The following S100Z variants were observed in gnomAD, a reference collection of about 807,000 sequenced individuals.
S100Z encodes S100 calcium binding protein Z, also known as protein S100-Z.
In S100Z, 11 loss-of-function variants were observed where a neutral mutation model predicts 8.5. That is an observed-to-expected ratio of 1.30 (90% CI 0.82 to 2.15). The LOEUF (loss-of-function observed/expected upper bound fraction) is 2.15. Among genes scored for constraint, S100Z ranks in the 30% most tolerant of loss-of-function variants. The pLI is 0.00. For synonymous variants in S100Z, 34 were observed against 43.8 expected (o/e 0.78, Z 0.89); for missense variants, 126 against 117.9 (o/e 1.07, Z -0.32).
chr5:76,858,979 G>C (rs6453255), intron 1 of S100Z, among the ~76,000 whole-genome samples: 19,780 of 152,028 alleles, frequency 0.13, 2,856 homozygotes, highest in African/African-American at 0.36. Context: ...CCAGGCATGA[G>C]AGTGCACGCC....
chr5:76,863,568 T>A (rs969817543), intron 1 of S100Z, among the ~76,000 whole-genome samples: 7 of 152,218 alleles, frequency 4.6e-5, no homozygotes, highest in Admixed American at 1.3e-4. Flanking sequence ...AGGCAGAGTC[T>A]CACTCTGTTG....
At chr5:76,878,794 C>A (rs1295279368) in intron 4 of S100Z, among the ~76,000 whole-genome samples, 2 of 152,118 alleles carry the variant, frequency 1.3e-5, no homozygotes, top group African/African-American at 4.8e-5. Context: ...GTATATCAGA[C>A]CAGCAGTTCA....
intron 4 of S100Z, among the ~76,000 whole-genome samples, chr5:76,879,132 A>T (rs1743300748): frequency 6.6e-6 from 1 of 152,168 alleles, no homozygotes; most frequent in African/African-American, 2.4e-5. Context: ...GCTATTGTAG[A>T]CAAGAACCCA....
chr5:76,940,473 C>G, the S100Z span, among the ~76,000 whole-genome samples: 1 of 151,954 alleles, frequency 6.6e-6, no homozygotes, highest in South Asian at 2.1e-4. Context: ...AGTGCAGCGG[C>G]ACGATCTCAA....
intron 4 of S100Z, among the ~76,000 whole-genome samples, chr5:76,895,080 G>T (rs143649683): frequency 6.6e-6 from 1 of 151,956 alleles, no homozygotes; most frequent in East Asian, 1.9e-4. Flanking sequence ...TTAGCCATGC[G>T]TGGCCACTCC....
At chr5:76,909,658 A>G (rs2150678658) in intron 4 of S100Z, among the ~76,000 whole-genome samples, 1 of 152,292 alleles carries the variant, frequency 6.6e-6, no homozygotes. Context: ...AAATGATCAC[A>G]AAAACCCCTG....
chr5:76,925,734 AG>A (rs779899945), downstream of S100Z, among the ~76,000 whole-genome samples: 2 of 152,156 alleles, frequency 1.3e-5, no homozygotes, highest in East Asian at 1.9e-4. Context: ...TAAGAGGCTG[AG>A]GGGGGCGGAT....
intron 4 of S100Z, among the ~76,000 whole-genome samples, chr5:76,893,856 A>G (rs946242817): frequency 1.1e-4 from 17 of 152,016 alleles, no homozygotes; most frequent in African/African-American, 3.4e-4. Flanking sequence ...GGTTTCTACT[A>G]TCTCCTTTTG....
At chr5:76,902,024 A>G (rs1457261937) in intron 4 of S100Z, among the ~76,000 whole-genome samples, 1 of 152,052 alleles carries the variant, frequency 6.6e-6, no homozygotes, top group Non-Finnish European at 1.5e-5. Context: ...TGGGTCTGGA[A>G]TGAGGGCCTC....
the S100Z span, among the ~76,000 whole-genome samples, chr5:76,936,653 ACACAAC>A: frequency 1.1e-3 from 153 of 145,140 alleles, no homozygotes; most frequent in Middle Eastern, 3.4e-3. Flanking sequence ...ACACACACAC[ACACAAC>A]CATGAAGGAA....
the S100Z span, among the ~76,000 whole-genome samples, chr5:76,936,657 A>AC: frequency 5.4e-3 from 600 of 111,918 alleles, 4 homozygotes; most frequent in African/African-American, 0.015. Flanking sequence ...ACACACACAC[A>AC]ACCATGAAGG....
chr5:76,904,197 C>T (rs1481931501), intron 4 of S100Z, among the ~76,000 whole-genome samples: 1 of 151,938 alleles, frequency 6.6e-6, no homozygotes, highest in African/African-American at 2.4e-5. Flanking sequence ...CCCCCCTAAC[C>T]CCACTTTTCT....
downstream of S100Z, among the ~76,000 whole-genome samples, chr5:76,922,767 C>G (rs1745071289): frequency 6.6e-6 from 1 of 152,162 alleles, no homozygotes; most frequent in Non-Finnish European, 1.5e-5. Context: ...TCGTGATCTG[C>G]CCGCCTCGGC....
At chr5:76,881,150 A>G (rs143227961) in intron 4 of S100Z, among the ~76,000 whole-genome samples, 23,984 of 152,182 alleles carry the variant, frequency 0.16, 2,270 homozygotes, top group Middle Eastern at 0.21. Context: ...AGAGAGACTT[A>G]AGGGTGGCAG....
the S100Z span, among the ~76,000 whole-genome samples, chr5:76,941,663 T>C: frequency 6.6e-6 from 1 of 152,190 alleles, no homozygotes; most frequent in South Asian, 2.1e-4. Flanking sequence ...GGGATTGAGA[T>C]AGTGTTTGTC....
At chr5:76,902,833 A>G (rs999083373) in intron 4 of S100Z, among the ~76,000 whole-genome samples, 1 of 152,048 alleles carries the variant, frequency 6.6e-6, no homozygotes, top group Admixed American at 6.6e-5. Flanking sequence ...CAAACTATAT[A>G]CGTTACCTTT....
chr5:76,952,375 G>A, the S100Z span, among the ~76,000 whole-genome samples: 1 of 152,264 alleles, frequency 6.6e-6, no homozygotes, highest in East Asian at 1.9e-4. Context: ...TCAAGTGACA[G>A]AGCTCAGCTA....
the S100Z span, among the ~76,000 whole-genome samples, chr5:76,952,270 T>C: frequency 6.6e-6 from 1 of 152,248 alleles, no homozygotes; most frequent in Admixed American, 6.5e-5. Context: ...CGAAATGGAA[T>C]GACTTAATCT....
chr5:76,898,591 A>G (rs902987466), intron 4 of S100Z, among the ~76,000 whole-genome samples: 2 of 152,326 alleles, frequency 1.3e-5, no homozygotes, highest in East Asian at 3.9e-4. Flanking sequence ...TTTTGTTGAC[A>G]TGATGTATCG....
Sources: gnomAD v4.1 joint callset for allele counts (sites outside exome capture counted in the v4.1 genomes callset) on GRCh38, gnomAD v4.1.1 for gene constraint, MANE v1.5 for transcripts, NCBI Gene and HGNC (gene_info 2026-07-23, HGNC 2026-07-21) for gene names.